The following EXD2 variants were observed in gnomAD, a reference collection of about 807,000 sequenced individuals.
EXD2 encodes exonuclease 3'-5' domain-containing protein 2.
A neutral mutation model predicts 62.5 loss-of-function variants in EXD2; 40 were observed. The ratio of observed to expected loss-of-function variants is 0.64; its 90% confidence interval spans 0.50 to 0.83. The LOEUF (loss-of-function observed/expected upper bound fraction) is 0.83, where lower values mean the gene tolerates loss of function less well. EXD2 is among the 40% of genes least tolerant of loss of function. The pLI is 0.00. For missense variants in EXD2, 671 were observed against 761.8 expected, an observed-to-expected ratio of 0.88 and a Z score of 1.40; for synonymous variants, 239 against 291.9, an observed-to-expected ratio of 0.82 and a Z score of 1.85.
At position 69,237,708 on chromosome 14, in the gene EXD2, C is replaced by T. The variant is rs1566842823; in HGVS notation, c.1426C>T (p.Gln476Ter). Residue 476 changes from glutamine to a stop codon, truncating the protein, a stop_gained, in exon 9 of 10, where the codon CAG becomes TAG. Coordinates refer to ENST00000685843, the MANE Select transcript of EXD2 (RefSeq NM_001193360.2). LOFTEE classifies it high-confidence loss of function. ...SNYYDNHLKQ[Q>*]LAKEFQAPIG... ...CTACTATGACAACCATCTGAAGCAGCAGCTGGCCAAGGAGTTCCAGGCCCC... is the reference window on the plus strand; with the variant it reads ...CTACTATGACAACCATCTGAAGCAGTAGCTGGCCAAGGAGTTCCAGGCCCC... 1 of 1,614,188 alleles carries T rather than the reference C, an allele frequency of 6.2e-7. No individual in the cohort carries two copies.
Position 69,244,004 on chromosome 14 carries a change from T to G in EXD2, c.*2904T>G, listed in dbSNP as rs997188788. 1.3e-5 allele frequency: 2 copies of G among 152,160 alleles called. No homozygotes were observed. Among genetic ancestry groups the G allele is most frequent in the African/African-American group, 4.8e-5 (2 of 41,418 alleles). 9.4% of individuals were successfully genotyped at this position (152,160 alleles called of 1,614,324 possible). A position where few individuals can be genotyped will look rare whatever the true frequency, so the allele number is the denominator to read the frequency against. Reference sequence around the variant, plus strand: ...GTAAAAAAAAGGTAAAAAAATAAAATTTTAAATTTTAAAATATAGGCTGTA... The same window carrying G: ...GTAAAAAAAAGGTAAAAAAATAAAAGTTTAAATTTTAAAATATAGGCTGTA... On this transcript the variant is annotated 3_prime_UTR_variant, in exon 10 of 10. Transcript: ENST00000685843.
intron 3 of EXD2, 21 bp downstream of exon 3, chr14:69,209,824 TAAAAAAAAA>T: frequency 9.5e-7 from 1 of 1,056,294 alleles, no homozygotes; most frequent in Non-Finnish European, 1.3e-6. Flanking sequence ...AAGCAAAAGT[TAAAAAAAAA>T]AAAAAAAAAC....
At chr14:69,194,631 G>A (rs530748753) in intron 1 of EXD2, among the ~76,000 whole-genome samples, 13 of 152,072 alleles carry the variant, frequency 8.5e-5, no homozygotes, top group African/African-American at 2.4e-4. Context: ...ATGGACATGA[G>A]CCACCTCGCC....
chr14:69,206,708 C>CT (rs1420029176), intron 2 of EXD2, among the ~76,000 whole-genome samples: 1 of 152,006 alleles, frequency 6.6e-6, no homozygotes, highest in Non-Finnish European at 1.5e-5. Flanking sequence ...TCTCAAACTC[C>CT]TAGGCTCAAG....
At chr14:69,196,785 C>T (rs2042219340) in intron 1 of EXD2, among the ~76,000 whole-genome samples, 1 of 132,592 alleles carries the variant, frequency 7.5e-6, no homozygotes, top group South Asian at 2.3e-4. Context: ...CCACTCCTGG[C>T]CAATTAATTT....
intron 1 of EXD2, chr14:69,191,918 A>C (rs970369867): frequency 4.6e-5 from 7 of 152,136 alleles, no homozygotes; most frequent in African/African-American, 1.7e-4. Context: ...AGACTCTACC[A>C]GACCTTCGAG....
chr14:69,220,714 C>G (rs555557410), intron 3 of EXD2, among the ~76,000 whole-genome samples: 109 of 151,256 alleles, frequency 7.2e-4, no homozygotes, highest in Non-Finnish European at 1.2e-3. Flanking sequence ...TCTAAAAATA[C>G]AAAAATTAGC....
rs2043715094 is a variant in EXD2 at position 69,234,857 on chromosome 14, T to G, written c.875T>G (p.Phe292Cys). 1.2e-6 allele frequency: 2 copies of G among 1,614,208 alleles called. No homozygotes were observed. The highest frequency in any genetic ancestry group is 8.5e-7 in the Non-Finnish European group (1 of 1,180,034). ...TGCCAGGGTGTGGTCGACATCCCAT[T>G]TCGAAGCAAAGGAATGAGCAGATTG... ...EKCQGVVDIP[F>C]RSKGMSRLGE... The change falls in exon 6 of 10, where the codon TTT becomes TGT. Residue 292 changes from phenylalanine to cysteine, a missense_variant. Transcript: ENST00000685843.
At chr14:69,238,039 C>T in intron 9 of EXD2, 108 bp downstream of exon 9, 1 of 943,360 alleles carries the variant, frequency 1.1e-6, no homozygotes, top group East Asian at 2.4e-5. Context: ...AGTGCCTAGC[C>T]TCATGCTTCA....
At position 69,241,036 on chromosome 14, in the gene EXD2, T is replaced by G. The variant is rs760386121; in HGVS notation, c.1802T>G (p.Val601Gly). The change falls in exon 10 of 10, where the codon GTG becomes GGG. Residue 601 changes from valine (V) to glycine (G), a missense_variant. Transcript: ENST00000685843. ...AAGCACCTGCCCCAGCAGTGGTCAG[T>G]GGACCACAACCATCAGAAGCTGCTC... The part of the protein sequence containing the change: ...QPKHLPQQWS[V>G]DHNHQKLLRK... 3 of 1,612,890 alleles carry G rather than the reference T, an allele frequency of 1.9e-6. No homozygotes were observed. The African/African-American group carries it at 4.0e-5, about 22-fold the overall frequency.
chr14:69,239,999 G>A (rs1594787941), intron 9 of EXD2, among the ~76,000 whole-genome samples: 1 of 152,348 alleles, frequency 6.6e-6, no homozygotes, highest in East Asian at 1.9e-4. Context: ...TGCTGGACTT[G>A]TGACTGAGAA....
intron 9 of EXD2, 144 bp from the exon 10 acceptor site, chr14:69,240,740 G>T (rs758967864): frequency 3.2e-5 from 20 of 631,534 alleles, no homozygotes; most frequent in Non-Finnish European, 5.5e-5. Flanking sequence ...TAAGAAAGAG[G>T]ATGTTTCGAA....
At chr14:69,207,950 G>C (rs2042664043) in intron 2 of EXD2, among the ~76,000 whole-genome samples, 1 of 151,172 alleles carries the variant, frequency 6.6e-6, no homozygotes, top group Admixed American at 6.6e-5. Flanking sequence ...CCAGGCTGGA[G>C]TGCAGTGGCT....
rs569291938 is a variant in EXD2 at position 69,219,459 on chromosome 14, G to A, written c.334-9357G>A. Reference sequence around the variant, plus strand: ...GAATGGTGCTGCAGTAAACATGGGTGTGCAGCTATCTCTTTGACATACTAA... The same window carrying A: ...GAATGGTGCTGCAGTAAACATGGGTATGCAGCTATCTCTTTGACATACTAA... On this transcript the variant is annotated intron_variant, in intron 3 of 9. Coordinates refer to ENST00000685843, the MANE Select transcript of EXD2 (RefSeq NM_001193360.2). 1.4e-3 allele frequency among the ~76,000 whole-genome samples: 212 copies of A among 152,328 alleles called. 5 individuals carry two copies. In the South Asian group the frequency reaches 0.028, roughly 20 times the overall value.
intron 1 of EXD2, among the ~76,000 whole-genome samples, chr14:69,203,151 C>T (rs541956440): frequency 1.1e-3 from 164 of 152,234 alleles, no homozygotes; most frequent in African/African-American, 3.7e-3. Flanking sequence ...CTTGACTTCC[C>T]AGGCTCAGGT....
chr14:69,206,271 A>T (rs2042591278), intron 2 of EXD2, among the ~76,000 whole-genome samples: 1 of 151,864 alleles, frequency 6.6e-6, no homozygotes, highest in Non-Finnish European at 1.5e-5. Flanking sequence ...GGCCTGGGGC[A>T]GGTGGCTTGC....
intron 5 of EXD2, among the ~76,000 whole-genome samples, chr14:69,232,239 T>G (rs1346585801): frequency 6.6e-6 from 1 of 152,176 alleles, no homozygotes. Flanking sequence ...TCTGGCCCTG[T>G]GCTGTAAAGG....
chr14:69,228,515 T>C (rs2043447615), intron 3 of EXD2, among the ~76,000 whole-genome samples: 1 of 152,136 alleles, frequency 6.6e-6, no homozygotes, highest in African/African-American at 2.4e-5. Flanking sequence ...AAAACCAGCA[T>C]GTTCCATATG....
intron 1 of EXD2, among the ~76,000 whole-genome samples, chr14:69,194,413 C>T (rs2140173368): frequency 6.6e-6 from 1 of 152,264 alleles, no homozygotes; most frequent in African/African-American, 2.4e-5. Context: ...GCTGGGATTA[C>T]AGGTGTGAGC....
Sources: allele counts gnomAD v4.1 joint callset (sites outside exome capture counted in the v4.1 genomes callset), GRCh38; gene constraint gnomAD v4.1.1; transcripts MANE v1.5; gene names NCBI Gene and HGNC (gene_info 2026-07-23, HGNC 2026-07-21).